The following LRRC69 variants were observed in gnomAD, a reference collection of about 807,000 sequenced individuals.
The protein encoded by LRRC69 is leucine rich repeat containing 69, also known as leucine-rich repeat-containing protein 69.
In LRRC69, 42 loss-of-function variants were observed where a neutral mutation model predicts 37.8. The observed-to-expected ratio is 1.11, with a 90% CI of 0.87 to 1.44. LRRC69 has a LOEUF of 1.44. Among genes scored for constraint, LRRC69 ranks in the 40% most tolerant of loss-of-function variants. The pLI, the probability that LRRC69 is intolerant of heterozygous loss-of-function variation, is 0.00. For missense variants in LRRC69, 357 were observed against 401.9 expected (o/e 0.89, Z 0.96); for synonymous variants, 141 against 143.1 (o/e 0.99, Z 0.11).
At chr8:91,162,402 A>G (rs149360279) in intron 5 of LRRC69, among the ~76,000 whole-genome samples, 9 of 151,462 alleles carry the variant, frequency 5.9e-5, no homozygotes, top group African/African-American at 1.9e-4. Context: ...CTTTAGTTCT[A>G]CTGATACTTG....
At chr8:91,147,344 CCTA>C (rs1808641268) in intron 5 of LRRC69, among the ~76,000 whole-genome samples, 1 of 149,008 alleles carries the variant, frequency 6.7e-6, no homozygotes, top group Non-Finnish European at 1.5e-5. Context: ...ATTTTCACTG[CCTA>C]CTTTCAACCT....
At chr8:91,187,710 T>A (rs1475636888) in intron 5 of LRRC69, among the ~76,000 whole-genome samples, 4 of 152,186 alleles carry the variant, frequency 2.6e-5, no homozygotes, top group African/African-American at 9.6e-5. Flanking sequence ...ACATACGGTC[T>A]TATTCTCTGC....
intron 1 of LRRC69, among the ~76,000 whole-genome samples, chr8:91,106,880 A>G (rs1813323058): frequency 6.6e-6 from 1 of 151,090 alleles, no homozygotes; most frequent in Non-Finnish European, 1.5e-5. Flanking sequence ...GCAGGCTCGA[A>G]CTCCTGTGCT....
At chr8:91,189,809 C>T (rs982575791) in intron 6 of LRRC69, among the ~76,000 whole-genome samples, 186 bp downstream of exon 6, 2 of 152,130 alleles carry the variant, frequency 1.3e-5, no homozygotes, top group Non-Finnish European at 2.9e-5. Flanking sequence ...TCCTAAGTCA[C>T]TCTGATTCCC....
chr8:91,107,625 T>A (rs1000663833), intron 1 of LRRC69, among the ~76,000 whole-genome samples: 1 of 152,018 alleles, frequency 6.6e-6, no homozygotes, highest in African/African-American at 2.4e-5. Flanking sequence ...ATGATTAGTG[T>A]TACCATTATG....
chr8:91,144,228 T>A (rs543948296), intron 5 of LRRC69, among the ~76,000 whole-genome samples: 1 of 152,072 alleles, frequency 6.6e-6, no homozygotes, highest in South Asian at 2.1e-4. Flanking sequence ...ACCTGAATGG[T>A]TCTAATTCGT....
intron 6 of LRRC69, among the ~76,000 whole-genome samples, chr8:91,195,803 G>T (rs1170689741): frequency 6.6e-6 from 1 of 151,028 alleles, no homozygotes; most frequent in Non-Finnish European, 1.5e-5. Context: ...TATCCAATTT[G>T]CCAGTCTGTG....
intron 1 of LRRC69, among the ~76,000 whole-genome samples, chr8:91,118,819 T>C (rs1813564873): frequency 6.6e-6 from 1 of 152,110 alleles, no homozygotes; most frequent in Admixed American, 6.6e-5. Context: ...AAACACTGCC[T>C]ACATTCTTTC....
chr8:91,165,165 AG>A (rs1809006821), intron 5 of LRRC69, among the ~76,000 whole-genome samples: 1 of 151,772 alleles, frequency 6.6e-6, no homozygotes, highest in African/African-American at 2.4e-5. Context: ...AGAGGAAGAA[AG>A]GATATTCTCT....
In LRRC69 at chr8:91,110,932, G is replaced by A. The variant is rs1464989729; in HGVS notation, c.183+8088G>A. On this transcript the variant is annotated intron_variant, in intron 1 of 7. Coordinates refer to ENST00000448384, the Ensembl canonical transcript of LRRC69. The stretch of plus-strand genomic sequence containing the variant: ...AAATTAGAACAGATTAAGCTCAAAA[G>A]ATACTTGATTTTGAAAATAAAAACT... Among the ~76,000 whole-genome samples the A allele has an allele frequency of 4.6e-5, 7 of 152,090 alleles. No homozygotes were observed. The South Asian group carries it at 1.2e-3, about 27-fold the overall frequency.
downstream of LRRC69, chr8:91,219,218 CA>C (rs574431781): frequency 6.1e-4 from 207 of 340,858 alleles, no homozygotes; most frequent in Middle Eastern, 2.3e-3. Context: ...TAAAAAAGTA[CA>C]AAAAAAAATT....
intron 5 of LRRC69, among the ~76,000 whole-genome samples, chr8:91,147,249 T>A (rs1220121155): frequency 8.5e-6 from 1 of 118,136 alleles, no homozygotes; most frequent in Non-Finnish European, 1.7e-5. Flanking sequence ...TATAAACATA[T>A]AATATATATT....
intron 5 of LRRC69, among the ~76,000 whole-genome samples, chr8:91,160,624 G>A (rs1277274474): frequency 6.6e-6 from 1 of 151,170 alleles, no homozygotes; most frequent in Non-Finnish European, 1.5e-5. Context: ...TGCTGACCAT[G>A]TGAAGATGTG....
At chr8:91,194,453 T>G (rs1809558356) in intron 6 of LRRC69, among the ~76,000 whole-genome samples, 2 of 152,038 alleles carry the variant, frequency 1.3e-5, no homozygotes, top group African/African-American at 4.8e-5. Context: ...TCTGGTAGAA[T>G]TCGGCTGTGA....
At chr8:91,129,313 A>G (rs752913206) in intron 3 of LRRC69, among the ~76,000 whole-genome samples, 2 of 152,012 alleles carry the variant, frequency 1.3e-5, no homozygotes, top group Non-Finnish European at 2.9e-5. Context: ...CCTGGGGAAG[A>G]CAGATGTCAG....
chr8:91,194,821 G>A (rs1443744764), intron 6 of LRRC69, among the ~76,000 whole-genome samples: 2 of 151,970 alleles, frequency 1.3e-5, no homozygotes, highest in African/African-American at 4.8e-5. Flanking sequence ...TTTTTTGAAG[G>A]GTTTTTTGTG....
At chr8:91,180,360 A>C (rs746499942) in intron 5 of LRRC69, among the ~76,000 whole-genome samples, 9 of 152,202 alleles carry the variant, frequency 5.9e-5, no homozygotes, top group Non-Finnish European at 8.8e-5. Flanking sequence ...GCTTCTCAAC[A>C]GAGCTACCTG....
At chr8:91,209,305 T>C (rs952687030) in intron 7 of LRRC69, among the ~76,000 whole-genome samples, 1 of 152,072 alleles carries the variant, frequency 6.6e-6, no homozygotes, top group Non-Finnish European at 1.5e-5. Flanking sequence ...GGTGGGCACC[T>C]GTAATCCCAG....
intron 5 of LRRC69, among the ~76,000 whole-genome samples, chr8:91,186,638 A>C (rs993506567): frequency 3.9e-5 from 6 of 152,244 alleles, no homozygotes; most frequent in African/African-American, 7.2e-5. Flanking sequence ...GTTCTAAGCA[A>C]GGTTGTTATA....
Sources: allele counts gnomAD v4.1 joint callset (sites outside exome capture counted in the v4.1 genomes callset), GRCh38; gene constraint gnomAD v4.1.1; transcripts MANE v1.5; gene names NCBI Gene and HGNC (gene_info 2026-07-23, HGNC 2026-07-21).